Variants in COMMD5 observed in about 807,000 individuals in gnomAD.
COMMD5 encodes COMM domain-containing protein 5.
In COMMD5, 10 loss-of-function variants were observed where a neutral mutation model predicts 6.9. That is an observed-to-expected ratio of 1.44 (90% CI 0.89 to 2.45). The LOEUF (loss-of-function observed/expected upper bound fraction) is 2.45, where lower values mean the gene tolerates loss of function less well. Among genes scored for constraint, COMMD5 ranks in the 30% most tolerant of loss-of-function variants. The probability of loss-of-function intolerance (pLI) is 0.00; values close to 1 mark genes in which losing one functional copy is unlikely to be tolerated. For missense variants in COMMD5, 234 were observed against 287.8 expected (o/e 0.81, Z 1.35); for synonymous variants, 127 against 125.3 (o/e 1.01, Z -0.09).
intron 1 of COMMD5, among the ~76,000 whole-genome samples, chr8:144,845,078 G>A (rs1168230748): frequency 1.3e-5 from 2 of 152,158 alleles, no homozygotes; most frequent in African/African-American, 4.8e-5. Flanking sequence ...TACAGGGGAG[G>A]CCACACAGGT....
exon 2 of COMMD5, chr8:144,841,393 GA>G: frequency 6.2e-7 from 1 of 1,612,782 alleles, no homozygotes. Context: ...GGCCTGTGAG[GA>G]CATGGACATC....
downstream of COMMD5, among the ~76,000 whole-genome samples, chr8:144,839,655 G>C (rs1233099726): frequency 2.6e-5 from 4 of 152,270 alleles, no homozygotes; most frequent in Non-Finnish European, 5.9e-5. Flanking sequence ...TCGCAGACCT[G>C]AGAGTCCGGG....
At position 144,851,105 on chromosome 8, in the gene COMMD5, C is replaced by G; in HGVS notation, c.234G>C (p.Pro78=). The G allele has an allele frequency of 6.2e-7, 1 of 1,612,090 alleles. No homozygotes were observed. Among genetic ancestry groups the G allele is most frequent in the Non-Finnish European group, 8.5e-7 (1 of 1,179,400 alleles). ...CCAGCAGGGCACCCAGCTGCTCCTCCGGCAGGTTGGCGCTGACCCCAAGAC... is the reference window on the plus strand; with the variant it reads ...CCAGCAGGGCACCCAGCTGCTCCTCGGGCAGGTTGGCGCTGACCCCAAGAC... ...VQRLGVSANL[P]EEQLGALLAG... The change falls in exon 2 of 2, where the codon CCG becomes CCC. Residue 78 remains proline (P), a synonymous_variant. Transcript: ENST00000305103.
downstream of COMMD5, chr8:144,847,224 G>GCTAGAATATCCTGTTAAC (rs1302811022): frequency 5.3e-5 from 8 of 152,220 alleles, no homozygotes; most frequent in African/African-American, 1.9e-4. Context: ...TAGTGCAGGT[G>GCTAGAATATCCTGTTAAC]CTAGAATATC....
At chr8:144,841,950 T>C (rs760329295) in intron 1 of COMMD5, 1 of 1,614,112 alleles carries the variant, frequency 6.2e-7, no homozygotes, top group Non-Finnish European at 8.5e-7. Context: ...TTAAATGCAC[T>C]GAGTGTGGAA....
Position 144,850,304 on chromosome 8 carries a change from A to G in COMMD5, c.*360T>C, listed in dbSNP as rs1830677497. On this transcript the variant is annotated 3_prime_UTR_variant, in exon 2 of 2. Transcript: ENST00000305103. This position sits in a 1 kb window ranked among gnomAD's most constrained non-coding sequence, Gnocchi z 4.0. ...ATGCCCAACCTAAAACACAAGATCT[A>G]CAAAAGCACCTGGCTACATGGGGCC... The G allele has an allele frequency of 1.0e-5, 2 of 198,382 alleles. No individual in the cohort carries two copies. The highest frequency in any genetic ancestry group is 4.6e-5 in the African/African-American group (2 of 43,066). 12.3% of individuals were successfully genotyped at this position (198,382 alleles called of 1,614,324 possible).
chr8:144,851,038 G>A lies in COMMD5; in HGVS notation c.301C>T (p.Pro101Ser). ...TLLQQALRLP[P>S]TSLKPDTFRD... ...AAGGTGTCAGGCTTCAGGCTGGTGG[G>A]GGGCAGACGGAGGGCCTGCTGGAGC... Residue 101 changes from proline (P) to serine (S), a missense_variant, in exon 2 of 2, where the codon CCC (proline) becomes TCC (serine). Physicochemically the swap from Pro to Ser is moderately conservative, Grantham distance 74. Coordinates refer to ENST00000305103, the MANE Select transcript of COMMD5 (RefSeq NM_014066.4). 1 of 1,612,592 alleles carries A rather than the reference G, an allele frequency of 6.2e-7. No homozygotes were observed. The highest frequency in any genetic ancestry group is 1.3e-5 in the African/African-American group (1 of 75,054).
chr8:144,841,991 A>G, intron 1 of COMMD5: 1 of 1,614,198 alleles, frequency 6.2e-7, no homozygotes, highest in Non-Finnish European at 8.5e-7. Flanking sequence ...AAACTTATTC[A>G]GCATCAAAGA....
chr8:144,841,855 T>C (rs761541493), intron 1 of COMMD5: 2 of 1,614,166 alleles, frequency 1.2e-6, no homozygotes, highest in Admixed American at 1.7e-5. Flanking sequence ...AGAGAAGCCG[T>C]ACGAATGTGC....
At chr8:144,845,391 T>A (rs574757708), downstream of COMMD5, among the ~76,000 whole-genome samples, 2 of 152,128 alleles carry the variant, frequency 1.3e-5, no homozygotes, top group South Asian at 4.1e-4. Flanking sequence ...CCCTCAGTTT[T>A]TTTTTTGCTG....
At chr8:144,840,415 C>A (rs1829729141), downstream of COMMD5, among the ~76,000 whole-genome samples, 1 of 152,146 alleles carries the variant, frequency 6.6e-6, no homozygotes, top group Non-Finnish European at 1.5e-5. Context: ...GCTGTGCATT[C>A]ATGTGGGGTA....
exon 2 of COMMD5, chr8:144,841,421 A>G (rs770023099): frequency 2.5e-6 from 4 of 1,614,184 alleles, no homozygotes; most frequent in Non-Finnish European, 3.4e-6. Context: ...TCAGAATCCT[A>G]TGGGACAGTG....
At chr8:144,842,615 G>C (rs1366335908) in intron 1 of COMMD5, 1 of 1,614,088 alleles carries the variant, frequency 6.2e-7, no homozygotes, top group African/African-American at 1.3e-5. Flanking sequence ...AATGACTGTG[G>C]AAAAGCCTTC....
chr8:144,841,862 G>T, intron 1 of COMMD5: 1 of 1,614,142 alleles, frequency 6.2e-7, no homozygotes, highest in Non-Finnish European at 8.5e-7. Context: ...CCGTACGAAT[G>T]TGCAGAGTGT....
At chr8:144,844,724 A>AC (rs1830406487) in intron 1 of COMMD5, among the ~76,000 whole-genome samples, 9 of 60,868 alleles carry the variant, frequency 1.5e-4, no homozygotes, top group African/African-American at 6.0e-4. Context: ...AAAAAAAAAA[A>AC]AAAAAAAAAA....
At chr8:144,846,416 GCA>G (rs1830514013), downstream of COMMD5, 6 of 484,566 alleles carry the variant, frequency 1.2e-5, no homozygotes, top group Non-Finnish European at 2.2e-5. Context: ...ATTTGACTGT[GCA>G]CAGTGTCCCT....
At chr8:144,843,300 C>CAACT in intron 1 of COMMD5, 1 of 1,172,588 alleles carries the variant, frequency 8.5e-7, no homozygotes, top group Non-Finnish European at 1.2e-6. Flanking sequence ...CAAGAATATC[C>CAACT]AACTTCAGGC....
chr8:144,838,265 C>G, downstream of COMMD5: 1 of 626,598 alleles, frequency 1.6e-6, no homozygotes, highest in South Asian at 1.8e-5. Flanking sequence ...GGGGCCACCC[C>G]AGTGACCTCA....
intron 1 of COMMD5, chr8:144,843,226 T>TTCC (rs1830205971): frequency 1.3e-6 from 2 of 1,489,852 alleles, no homozygotes; most frequent in African/African-American, 2.8e-5. Context: ...AACTTACTTA[T>TTCC]TTTATATGGA....
Sources: gnomAD v4.1 joint callset for allele counts (sites outside exome capture counted in the v4.1 genomes callset) on GRCh38, gnomAD v4.1.1 for gene constraint, Gnocchi (gnomAD v3.1) non-coding constraint, MANE v1.5 for transcripts, NCBI Gene and HGNC (gene_info 2026-07-23, HGNC 2026-07-21) for gene names.